EXOC4: variants seen among roughly 807,000 people sequenced by gnomAD.
EXOC4 encodes SEC8-like 1.
EXOC4 carries 71 observed loss-of-function variants against 107.2 expected under a neutral mutation model. That is an observed-to-expected ratio of 0.66 (90% CI 0.55 to 0.81). The LOEUF is 0.81. Ranked by LOEUF, EXOC4 falls within the 30% of genes least tolerant of loss-of-function variation. The pLI is 0.00. For missense variants in EXOC4, 1,108 were observed against 1,189.6 expected (o/e 0.93, Z 1.01); for synonymous variants, 456 against 441.2 (o/e 1.03, Z -0.42).
chr7:133,581,624 G>A (rs1801274364), intron 9 of EXOC4, among the ~76,000 whole-genome samples: 1 of 151,542 alleles, frequency 6.6e-6, no homozygotes, highest in African/African-American at 2.4e-5. Flanking sequence ...CGGGCGTGGT[G>A]GTGGGCGCCT....
chr7:133,798,541 T>C (rs561085190), intron 10 of EXOC4, among the ~76,000 whole-genome samples: 50 of 152,318 alleles, frequency 3.3e-4, no homozygotes, highest in Admixed American at 5.2e-4. Flanking sequence ...AAGATACTAC[T>C]GCAATACATA....
At chr7:133,292,769 TA>T (rs1218081560) in intron 3 of EXOC4, among the ~76,000 whole-genome samples, 1 of 152,204 alleles carries the variant, frequency 6.6e-6, no homozygotes, top group Non-Finnish European at 1.5e-5. Flanking sequence ...GGTTGTGTCT[TA>T]CCTATTTTTG....
intron 5 of EXOC4, among the ~76,000 whole-genome samples, chr7:133,343,031 A>G (rs1229061480): frequency 6.6e-6 from 1 of 151,802 alleles, no homozygotes; most frequent in African/African-American, 2.4e-5. Context: ...CAATTCAGTG[A>G]TTTCTGCTTG....
At chr7:133,584,494 A>G (rs1340049528) in intron 9 of EXOC4, among the ~76,000 whole-genome samples, 1 of 151,262 alleles carries the variant, frequency 6.6e-6, no homozygotes, top group Non-Finnish European at 1.5e-5. Context: ...TTTCCTGTGC[A>G]GTACCTTTTA....
intron 14 of EXOC4, among the ~76,000 whole-genome samples, chr7:133,968,709 C>T (rs1039406644): frequency 8.1e-4 from 124 of 152,256 alleles, no homozygotes; most frequent in African/African-American, 2.9e-3. Flanking sequence ...CGGAGAGATC[C>T]ACTGTTAATC....
intron 6 of EXOC4, among the ~76,000 whole-genome samples, chr7:133,357,257 A>T (rs1184294619): frequency 6.6e-6 from 1 of 152,218 alleles, no homozygotes; most frequent in East Asian, 1.9e-4. Flanking sequence ...TATCACTACA[A>T]CTGTATGACC....
chr7:133,511,822 G>T (rs972009869), intron 9 of EXOC4, among the ~76,000 whole-genome samples: 2 of 151,934 alleles, frequency 1.3e-5, no homozygotes, highest in Non-Finnish European at 2.9e-5. Flanking sequence ...ACATATTCTG[G>T]TTCCCTTAAG....
At chr7:133,756,407 T>C (rs752463221) in intron 10 of EXOC4, among the ~76,000 whole-genome samples, 1 of 152,220 alleles carries the variant, frequency 6.6e-6, no homozygotes, top group Non-Finnish European at 1.5e-5. Flanking sequence ...ATCTCACCTG[T>C]AGAAAAGTGT....
At chr7:133,801,730 C>T (rs138731481) in intron 10 of EXOC4, among the ~76,000 whole-genome samples, 1 of 152,210 alleles carries the variant, frequency 6.6e-6, no homozygotes, top group Non-Finnish European at 1.5e-5. Flanking sequence ...AGCCTACTAT[C>T]GTGGTTAAGT....
At chr7:134,071,818 C>T in the EXOC4 span, among the ~76,000 whole-genome samples, 9 of 152,272 alleles carry the variant, frequency 5.9e-5, no homozygotes, top group African/African-American at 1.2e-4. Context: ...TGCTACAGAA[C>T]CCCCCTCTGT....
chr7:133,408,589 T>C (rs560021403), intron 7 of EXOC4, among the ~76,000 whole-genome samples: 75 of 152,106 alleles, frequency 4.9e-4, no homozygotes, highest in Admixed American at 3.3e-3. Context: ...GATGGTGTTA[T>C]GGTGGTGGCA....
intron 9 of EXOC4, among the ~76,000 whole-genome samples, chr7:133,490,013 A>G (rs1052905064): frequency 2.0e-5 from 3 of 152,186 alleles, no homozygotes; most frequent in Non-Finnish European, 4.4e-5. Flanking sequence ...TATTGGGAAG[A>G]AAGAGGCTGT....
intron 17 of EXOC4, among the ~76,000 whole-genome samples, chr7:134,058,044 T>A (rs1446146590): frequency 2.6e-5 from 4 of 152,224 alleles, no homozygotes; most frequent in Non-Finnish European, 4.4e-5. Context: ...TATGGGTTAT[T>A]CTTTTTTCTC....
At chr7:133,984,961 T>C (rs1239459997) in intron 14 of EXOC4, among the ~76,000 whole-genome samples, 1 of 152,202 alleles carries the variant, frequency 6.6e-6, no homozygotes, top group Non-Finnish European at 1.5e-5. Flanking sequence ...GATGAAAACG[T>C]CTCTTAAGCA....
intron 7 of EXOC4, among the ~76,000 whole-genome samples, chr7:133,406,467 C>T (rs894722392): frequency 2.0e-5 from 3 of 152,036 alleles, no homozygotes; most frequent in Admixed American, 6.6e-5. Context: ...ACATTAAAAA[C>T]CTGGTTTTAC....
chr7:133,743,934 G>T (rs1795622026), intron 10 of EXOC4, among the ~76,000 whole-genome samples: 1 of 152,098 alleles, frequency 6.6e-6, no homozygotes, highest in South Asian at 2.1e-4. Flanking sequence ...TCCTAGTTTT[G>T]GAGAGAGAAC....
chr7:133,764,700 T>G (rs1796100171), intron 10 of EXOC4, among the ~76,000 whole-genome samples: 1 of 152,132 alleles, frequency 6.6e-6, no homozygotes, highest in South Asian at 2.1e-4. Context: ...TTTGTAGTTT[T>G]AAGTATATTG....
At chr7:133,754,015 A>G (rs1311301207) in intron 10 of EXOC4, among the ~76,000 whole-genome samples, 1 of 152,214 alleles carries the variant, frequency 6.6e-6, no homozygotes, top group Non-Finnish European at 1.5e-5. Context: ...TGCCCACAAT[A>G]ATGTGTCAGT....
intron 7 of EXOC4, among the ~76,000 whole-genome samples, chr7:133,434,459 C>G (rs1007343003): frequency 5.3e-5 from 8 of 152,166 alleles, no homozygotes; most frequent in African/African-American, 1.4e-4. Context: ...GAGCTCCCCC[C>G]TCTGGCATTA....
Sources: gnomAD v4.1 joint callset for allele counts (sites outside exome capture counted in the v4.1 genomes callset) on GRCh38, gnomAD v4.1.1 for gene constraint, MANE v1.5 for transcripts, NCBI Gene and HGNC (gene_info 2026-07-23, HGNC 2026-07-21) for gene names.